The following MTUS1 variants were observed in gnomAD, a reference collection of about 807,000 sequenced individuals.
MTUS1 encodes the protein microtubule associated scaffold protein 1.
In MTUS1, 109 loss-of-function variants were observed where a neutral mutation model predicts 120.8. That is an observed-to-expected ratio of 0.90 (90% CI 0.77 to 1.06). The LOEUF is 1.06. Ranked by LOEUF, MTUS1 falls within the 50% of genes least tolerant of loss-of-function variation. The pLI, the probability that MTUS1 is intolerant of heterozygous loss-of-function variation, is 0.00. For synonymous variants in MTUS1, 737 were observed against 550.5 expected (o/e 1.34, Z -4.74); for missense variants, 2,210 against 1,486.3 (o/e 1.49, Z -8.01).
At chr8:17,750,313 G>A (rs181786962) in intron 2 of MTUS1, among the ~76,000 whole-genome samples, 18 of 152,256 alleles carry the variant, frequency 1.2e-4, no homozygotes, top group African/African-American at 3.9e-4. Context: ...TTCTGTCTCT[G>A]GCTAGGTTAA....
Position 17,755,393 on chromosome 8 carries a change from C to T in MTUS1, c.415G>A (p.Val139Met), listed in dbSNP as rs2048533251. The change falls in exon 2 of 15, where the codon GTG becomes ATG. Residue 139 changes from valine to methionine, a missense_variant. By Grantham distance (21) the Val-to-Met change is conservative. Transcript: ENST00000693296. ...GQSVEPSLPF[V>M]WKPNDNLNCA... The stretch of plus-strand genomic sequence containing the variant: ...TTCAAATTGTCATTAGGCTTCCACA[C>T]AAAAGGCAAAGATGGCTCAACACTC... The T allele has an allele frequency of 6.2e-7, 1 of 1,614,184 alleles. No individual in the cohort carries two copies. The highest frequency in any genetic ancestry group is 8.5e-7 in the Non-Finnish European group (1 of 1,180,024).
Position 17,797,936 on chromosome 8 carries a change from C to T in MTUS1, c.-155+3125G>A, listed in dbSNP as rs368648704. Among the ~76,000 whole-genome samples, 3 of 152,198 alleles carry T rather than the reference C, an allele frequency of 2.0e-5. No individual in the cohort carries two copies. In the East Asian group the frequency reaches 5.8e-4, roughly 29 times the overall value. On this transcript the variant is annotated intron_variant, in intron 1 of 14. Transcript: ENST00000693296. The stretch of plus-strand genomic sequence containing the variant: ...TCAGGAAGACGTGTTCCCCCGCCCC[C>T]CCAAATAAATACTTTGCTGAGTAGC...
chr8:17,757,925 G>A (rs1273523929), intron 1 of MTUS1, among the ~76,000 whole-genome samples: 1 of 152,196 alleles, frequency 6.6e-6, no homozygotes, highest in Non-Finnish European at 1.5e-5. Flanking sequence ...ACAGGTCATT[G>A]TGAATCCTAA....
intron 2 of MTUS1, among the ~76,000 whole-genome samples, chr8:17,746,718 C>T (rs1325932730): frequency 6.6e-6 from 1 of 152,142 alleles, no homozygotes; most frequent in Non-Finnish European, 1.5e-5. Context: ...CCATATGACT[C>T]TACTTAACTT....
At chr8:17,774,470 T>A (rs1010267150) in intron 1 of MTUS1, among the ~76,000 whole-genome samples, 19 of 152,332 alleles carry the variant, frequency 1.2e-4, no homozygotes, top group African/African-American at 4.3e-4. Context: ...GCGGAGGTGA[T>A]GCCACCAGGC....
intron 8 of MTUS1, among the ~76,000 whole-genome samples, chr8:17,671,597 C>T (rs990954629): frequency 1.3e-5 from 2 of 152,168 alleles, no homozygotes; most frequent in African/African-American, 4.8e-5. Context: ...GAGGGAACAA[C>T]GGGAAAGTCA....
At position 17,697,573 on chromosome 8, in the gene MTUS1, C is replaced by T. The variant is rs965513311; in HGVS notation, c.2624-13031G>A. ...GGGCTGGCCAAGTGTTTCTGGCTTC[C>T]GTTTTCACTTTCAGATGTTGCCAAA... On this transcript the variant is annotated intron_variant, in intron 6 of 14. Transcript: ENST00000693296. The T allele has an allele frequency of 2.6e-5, 35 of 1,347,960 alleles. No individual in the cohort carries two copies. In the South Asian group the frequency reaches 6.0e-4, roughly 23 times the overall value. 83.5% of individuals were successfully genotyped at this position (1,347,960 alleles called of 1,614,324 possible).
intron 6 of MTUS1, chr8:17,691,234 C>A (rs1816881558): frequency 6.6e-6 from 1 of 152,206 alleles, no homozygotes; most frequent in Non-Finnish European, 1.5e-5. Flanking sequence ...CTCTAGTTAT[C>A]TGAAACTTGT....
At chr8:17,675,146 T>A in intron 8 of MTUS1, 40 bp downstream of exon 8, 1 of 1,611,962 alleles carries the variant, frequency 6.2e-7, no homozygotes, top group African/African-American at 1.3e-5. Flanking sequence ...GTGTTCCCCT[T>A]GTCCCATAAA....
At chr8:17,673,617 G>T (rs1812471978) in intron 8 of MTUS1, among the ~76,000 whole-genome samples, 1 of 152,072 alleles carries the variant, frequency 6.6e-6, no homozygotes, top group Non-Finnish European at 1.5e-5. Flanking sequence ...ATGCTTGGCT[G>T]ATTTTTAAAT....
chr8:17,726,430 G>T (rs1195134536), intron 3 of MTUS1, among the ~76,000 whole-genome samples: 1 of 152,154 alleles, frequency 6.6e-6, no homozygotes, highest in Admixed American at 6.5e-5. Flanking sequence ...AGATCAGGAA[G>T]AGCACCTGAT....
chr8:17,676,542 G>A, intron 7 of MTUS1: 1 of 575,860 alleles, frequency 1.7e-6, no homozygotes, highest in Non-Finnish European at 3.1e-6. Context: ...TCTGCCTTTG[G>A]CACAGGCAGC....
chr8:17,795,339 C>A (rs979434807), intron 1 of MTUS1, among the ~76,000 whole-genome samples: 2 of 152,156 alleles, frequency 1.3e-5, no homozygotes, highest in African/African-American at 4.8e-5. Flanking sequence ...AGTAGAAGAT[C>A]AGAATAATTA....
Position 17,715,857 on chromosome 8 carries a change from G to A in MTUS1, c.2494C>T (p.Pro832Ser), listed in dbSNP as rs767418306. The A allele has an allele frequency of 1.9e-6, 3 of 1,613,962 alleles. No homozygotes were observed. Among genetic ancestry groups the A allele is most frequent in the Non-Finnish European group, 2.5e-6 (3 of 1,179,934 alleles). The change falls in exon 5 of 15, where the codon CCA becomes TCA. Residue 832 changes from proline to serine, a missense_variant. Transcript: ENST00000693296. ...CCTGAGGAACCATTCTGAAATGCTG[G>A]TTTTGGAGGTTTCTCCTCATATTTG... Reference protein sequence around the residue: ...VIKYEEKPPKPAFQNGSSGSF... With the variant: ...VIKYEEKPPKSAFQNGSSGSF...
chr8:17,652,560 A>G (rs1402332720), intron 12 of MTUS1, among the ~76,000 whole-genome samples: 2 of 152,154 alleles, frequency 1.3e-5, no homozygotes, highest in Non-Finnish European at 2.9e-5. Flanking sequence ...AATGTTCTAG[A>G]AAGAGGTACT....
chr8:17,704,153 CT>C (rs1819679127), intron 6 of MTUS1: 1 of 152,190 alleles, frequency 6.6e-6, no homozygotes, highest in African/African-American at 2.4e-5. Context: ...ATGCAAGTAT[CT>C]CTTCAACATC....
rs1027724804 is a variant in MTUS1 at position 17,708,141 on chromosome 8, T to C, written c.2623+5073A>G. 2.6e-5 allele frequency among the ~76,000 whole-genome samples: 4 copies of C among 152,164 alleles called. No homozygotes were observed. In the East Asian group the frequency reaches 5.8e-4, roughly 22 times the overall value. ...TGTCAAAATTTAAAACGTTTATGTT[T>C]CCAAGGACATTATCAAGAAAGTGAA... On this transcript the variant is annotated intron_variant, in intron 6 of 14. Transcript: ENST00000693296.
At chr8:17,731,639 A>G (rs2046588834) in intron 3 of MTUS1, among the ~76,000 whole-genome samples, 1 of 152,210 alleles carries the variant, frequency 6.6e-6, no homozygotes, top group East Asian at 1.9e-4. Flanking sequence ...TTGACAACAT[A>G]AAAGTGAAAA....
chr8:17,697,515 C>T, intron 6 of MTUS1: 2 of 1,395,330 alleles, frequency 1.4e-6, no homozygotes, highest in East Asian at 5.1e-5. Flanking sequence ...AATGTCATTC[C>T]ACCAGAGAGG....
Sources: allele counts gnomAD v4.1 joint callset (sites outside exome capture counted in the v4.1 genomes callset), GRCh38; gene constraint gnomAD v4.1.1; transcripts MANE v1.5; gene names NCBI Gene and HGNC (gene_info 2026-07-23, HGNC 2026-07-21).